Variants in MTOR observed in about 807,000 individuals in gnomAD.
The protein encoded by MTOR is serine/threonine-protein kinase mTOR.
In MTOR, 70 loss-of-function variants were observed where a neutral mutation model predicts 319.8. That is an observed-to-expected ratio of 0.22 (90% CI 0.18 to 0.27). The LOEUF is 0.27. MTOR is among the 10% of genes least tolerant of loss of function. The pLI is 1.00. For missense variants in MTOR, 1,890 were observed against 3,274.4 expected (o/e 0.58, Z 10.32); for synonymous variants, 1,183 against 1,211.4 (o/e 0.98, Z 0.49).
intron 32 of MTOR, among the ~76,000 whole-genome samples, chr1:11,145,430 G>A (rs1208326407): frequency 6.6e-6 from 1 of 151,908 alleles, no homozygotes. Flanking sequence ...AGGCTGGAGT[G>A]CAGTGGTGTG....
In MTOR at chr1:11,131,054, G is replaced by A. The variant is rs755103991; in HGVS notation, c.5365-277C>T. ...GAGCTCTTGCCTCAAGGGATCTCCC[G>A]GCCTCCTAGGGGAGCTCACGCACAA... On this transcript the variant is annotated intron_variant, in intron 38 of 57. Coordinates refer to ENST00000361445, the MANE Select transcript of MTOR (RefSeq NM_004958.4). The A allele has an allele frequency of 3.8e-5, 20 of 519,830 alleles. 1 individual carries two copies. Among genetic ancestry groups the A allele is most frequent in the Non-Finnish European group, 6.2e-5 (18 of 290,394 alleles). The allele number at this position is 519,830 out of a possible 1,614,324, so 32.2% of individuals were successfully genotyped here.
At chr1:11,173,137 G>A (rs1184403336) in intron 28 of MTOR, among the ~76,000 whole-genome samples, 6 of 152,044 alleles carry the variant, frequency 3.9e-5, no homozygotes, top group Non-Finnish European at 2.9e-5. Flanking sequence ...GGGATTACTG[G>A]TGCCCACCAG....
In MTOR at chr1:11,127,726, G is replaced by T; in HGVS notation, c.6114C>A (p.Tyr2038Ter). The T allele has an allele frequency of 6.2e-7, 1 of 1,614,082 alleles. No individual in the cohort carries two copies. Reference protein sequence around the residue: ...HEGLEEASRLYFGERNVKGMF... With the variant: ...HEGLEEASRL ...TGCCTTTCACGTTCCTTTCCCCAAA[G>T]TACAAACGAGATGCCTCTTCCAGGC... is the stretch of plus-strand genomic sequence containing the variant. The change falls in exon 44 of 58, where the codon TAC becomes TAA. Residue 2038 changes from tyrosine (Y) to a stop codon, truncating the protein, a stop_gained. Coordinates refer to ENST00000361445, the MANE Select transcript of MTOR (RefSeq NM_004958.4). LOFTEE classifies it high-confidence loss of function. The surrounding 1 kb of genome is among the most constrained non-coding windows in gnomAD (Gnocchi z 5.5).
At chr1:11,189,709 A>C (rs1437009129) in intron 28 of MTOR, 1 of 1,614,078 alleles carries the variant, frequency 6.2e-7, no homozygotes, top group Non-Finnish European at 8.5e-7. Flanking sequence ...CAAAGCGGCC[A>C]ACTGCTGTGA....
In MTOR at chr1:11,228,665, T is replaced by C. The variant is rs1646924881; in HGVS notation, c.3030+3A>G. 2 of 1,613,400 alleles carry C rather than the reference T, an allele frequency of 1.2e-6. No individual in the cohort carries two copies. The highest frequency in any genetic ancestry group is 1.7e-6 in the Non-Finnish European group (2 of 1,179,652). On this transcript the variant is annotated splice_donor_region_variant and intron_variant, in intron 19 of 57. Transcript: ENST00000361445. ...GAGAAGGATTGGGGTTTGAGGTACT[T>C]ACTTCCCGGATGGCCCCATCACAGA... is the stretch of plus-strand genomic sequence containing the variant.
At chr1:11,141,741 C>G (rs1267664469) in intron 34 of MTOR, among the ~76,000 whole-genome samples, 2 of 149,072 alleles carry the variant, frequency 1.3e-5, no homozygotes, top group African/African-American at 4.9e-5. Flanking sequence ...AATCCCAGCA[C>G]TTTGGGAGGC....
chr1:11,232,162 C>T (rs537547978), intron 16 of MTOR, among the ~76,000 whole-genome samples: 67 of 152,322 alleles, frequency 4.4e-4, no homozygotes, highest in Non-Finnish European at 8.4e-4. Context: ...CTGAGAGCTA[C>T]GGCTCTGACA....
intron 38 of MTOR, chr1:11,132,153 C>T (rs1360104094): frequency 2.0e-5 from 3 of 152,140 alleles, no homozygotes; most frequent in Admixed American, 2.0e-4. Flanking sequence ...TTCCTGAAAC[C>T]AACTTTTTTC....
intron 13 of MTOR, among the ~76,000 whole-genome samples, chr1:11,236,933 A>C (rs547740243): frequency 6.6e-6 from 1 of 152,254 alleles, no homozygotes; most frequent in African/African-American, 2.4e-5. Flanking sequence ...AAGTGCCAAC[A>C]TAAGTACAAC....
Position 11,230,812 on chromosome 1 carries a change from G to A in MTOR, c.2779+113C>T, listed in dbSNP as rs368908149. The stretch of plus-strand genomic sequence containing the variant: ...ACTTTTCATTCAAAAGTTGCTACAC[G>A]AGCCAATATCCTATAATTTCTCAGT... On this transcript the variant is annotated intron_variant, in intron 18 of 57. Transcript: ENST00000361445. The A allele has an allele frequency of 1.2e-3, 1,646 of 1,425,550 alleles. 9 individuals are homozygous for A. Among genetic ancestry groups the A allele is most frequent in the South Asian group, 3.4e-3 (268 of 78,112 alleles). 88.3% of individuals were successfully genotyped at this position (1,425,550 alleles called of 1,614,324 possible). A position where few individuals can be genotyped will look rare whatever the true frequency, so the allele number is the denominator to read the frequency against.
chr1:11,242,984 T>G (rs916695700), intron 9 of MTOR, 130 bp downstream of exon 9: 2 of 853,796 alleles, frequency 2.3e-6, no homozygotes, highest in Non-Finnish European at 3.6e-6. Context: ...GGGCTGTTCT[T>G]CATATGATTT....
rs766922341 is a variant in MTOR at position 11,130,624 on chromosome 1, T to C, written c.5518A>G (p.Thr1840Ala). ...TTGCTGCCCTCGGTGCTGGCAGTGG[T>C]GGTGGCAGTGGCGGCCGTGGTGGCG... The part of the protein sequence containing the change: ...TAATTAATAT[T>A]TASTEGSNSE... The change falls in exon 39 of 58, where the codon ACC (threonine) becomes GCC (alanine). Residue 1840 changes from threonine (T) to alanine (A), a missense_variant. Coordinates refer to ENST00000361445, the MANE Select transcript of MTOR (RefSeq NM_004958.4). 3.7e-6 allele frequency: 6 copies of C among 1,613,526 alleles called. No homozygotes were observed. In the African/African-American group the frequency reaches 6.7e-5, roughly 18 times the overall value.
intron 25 of MTOR, among the ~76,000 whole-genome samples, chr1:11,207,825 C>G (rs1214577326): frequency 6.6e-6 from 1 of 152,044 alleles, no homozygotes; most frequent in Non-Finnish European, 1.5e-5. Context: ...TGAAATAGAT[C>G]TGAGAGTGAG....
intron 28 of MTOR, among the ~76,000 whole-genome samples, chr1:11,179,816 T>C (rs1645090315): frequency 6.6e-6 from 1 of 152,258 alleles, no homozygotes; most frequent in Non-Finnish European, 1.5e-5. Context: ...TCTTTTCTCC[T>C]ACTCTTTGCA....
chr1:11,233,023 G>A (rs185583930), intron 15 of MTOR: 46 of 975,190 alleles, frequency 4.7e-5, no homozygotes, highest in South Asian at 3.2e-4. Context: ...AAGTAAAATC[G>A]TCCCATTCCC....
At chr1:11,206,737 A>T (rs1031260001) in intron 25 of MTOR, among the ~76,000 whole-genome samples, 7 of 152,268 alleles carry the variant, frequency 4.6e-5, no homozygotes, top group Admixed American at 4.6e-4. Flanking sequence ...CAACTGTGTA[A>T]ACACGAGCTG....
chr1:11,202,663 C>T lies in MTOR; in HGVS notation c.3944+1898G>A, dbSNP rs114536440. On this transcript the variant is annotated intron_variant, in intron 26 of 57. Transcript: ENST00000361445. ...GGTGATGACTCATGCCTATAAATCACGGCACTTTTGGAGGCTGAGGCAGGA... is the reference window on the plus strand; with the variant it reads ...GGTGATGACTCATGCCTATAAATCATGGCACTTTTGGAGGCTGAGGCAGGA... Among the ~76,000 whole-genome samples, 1,072 of 151,936 alleles carry T rather than the reference C, an allele frequency of 7.1e-3. 20 individuals are homozygous for T. Among genetic ancestry groups the T allele is most frequent in the African/African-American group, 0.025 (1,041 of 41,428 alleles).
intron 28 of MTOR, among the ~76,000 whole-genome samples, chr1:11,181,862 T>C (rs544612676): frequency 9.9e-5 from 15 of 152,170 alleles, no homozygotes; most frequent in Non-Finnish European, 2.1e-4. Context: ...CTGTGGAAAA[T>C]AAGAGAAACA....
Position 11,212,025 on chromosome 1 carries a change from A to T in MTOR, c.3561+287T>A, listed in dbSNP as rs574916343. Among the ~76,000 whole-genome samples, 1 of 152,128 alleles carries T rather than the reference A, an allele frequency of 6.6e-6. No homozygotes were observed. Among genetic ancestry groups the T allele is most frequent in the South Asian group, 2.1e-4 (1 of 4,822 alleles). ...AATAAAGAGCACTTCTCCCCACTTC[A>T]ACCCATCACTCTTAAGAAACAAACT... On this transcript the variant is annotated intron_variant, in intron 23 of 57. Transcript: ENST00000361445. This position sits in a 1 kb window ranked among gnomAD's most constrained non-coding sequence, Gnocchi z 4.1.
Sources: gnomAD v4.1 joint callset for allele counts (sites outside exome capture counted in the v4.1 genomes callset) on GRCh38, gnomAD v4.1.1 for gene constraint, Gnocchi (gnomAD v3.1) non-coding constraint, MANE v1.5 for transcripts, NCBI Gene and HGNC (gene_info 2026-07-23, HGNC 2026-07-21) for gene names.